Variants in PRKCH observed in about 807,000 individuals in gnomAD.
PRKCH encodes protein kinase C eta.
A neutral mutation model predicts 82.5 loss-of-function variants in PRKCH; 28 were observed. The ratio of observed to expected loss-of-function variants is 0.34; its 90% CI spans 0.25 to 0.47. The LOEUF is 0.47. Ranked by LOEUF, PRKCH falls within the 20% of genes least tolerant of loss-of-function variation. The pLI is 1.00. For missense variants in PRKCH, 705 were observed against 881.8 expected, an observed-to-expected ratio of 0.80 and a Z score of 2.54; for synonymous variants, 322 against 327.4, an observed-to-expected ratio of 0.98 and a Z score of 0.18.
At chr14:61,396,270 G>C (rs950956124) in intron 2 of PRKCH, among the ~76,000 whole-genome samples, 1 of 151,920 alleles carries the variant, frequency 6.6e-6, no homozygotes, top group Admixed American at 6.6e-5. Flanking sequence ...ACTTAAATTG[G>C]ACGGTGGTCT....
At chr14:61,292,338 C>T (rs1267453458) in intron 1 of PRKCH, among the ~76,000 whole-genome samples, 7 of 151,398 alleles carry the variant, frequency 4.6e-5, no homozygotes, top group Non-Finnish European at 1.0e-4. Flanking sequence ...TTTAATTAGC[C>T]GTGTATGGTA....
At chr14:61,306,572 T>C (rs2045487097) in intron 1 of PRKCH, 1 of 152,250 alleles carries the variant, frequency 6.6e-6, no homozygotes, top group Non-Finnish European at 1.5e-5. Flanking sequence ...ATGTTTGTTG[T>C]CAAATGTCTA....
intron 1 of PRKCH, among the ~76,000 whole-genome samples, chr14:61,300,421 C>T (rs2045440075): frequency 6.6e-6 from 1 of 152,156 alleles, no homozygotes; most frequent in South Asian, 2.1e-4. Context: ...GGCAATATGA[C>T]AGGCACTGGG....
chr14:61,526,475 T>G (rs1291963075), intron 10 of PRKCH, among the ~76,000 whole-genome samples: 1 of 152,236 alleles, frequency 6.6e-6, no homozygotes. Context: ...AATACCAGAC[T>G]TGGTTTCCAT....
rs528935424 is a variant in PRKCH at position 61,535,571 on chromosome 14, A to G, written c.1761+4976A>G. 3.8e-3 allele frequency among the ~76,000 whole-genome samples: 572 copies of G among 152,238 alleles called. 1 individual carries two copies. The highest frequency in any genetic ancestry group is 6.6e-3 in the Non-Finnish European group (448 of 68,020). On this transcript the variant is annotated intron_variant, in intron 12 of 13. Coordinates refer to ENST00000332981, the MANE Select transcript of PRKCH (RefSeq NM_006255.5). ...AGTGTGATGAGCAAAGGGGTGGGGC[A>G]GTGAGAGCTTCAGGTGAGGAGGCTG...
chr14:61,534,995 C>A (rs908820351), intron 12 of PRKCH, among the ~76,000 whole-genome samples: 2 of 152,156 alleles, frequency 1.3e-5, no homozygotes, highest in African/African-American at 4.8e-5. Context: ...GCAACATCAT[C>A]AAGGTTATTA....
Position 61,547,761 on chromosome 14 carries a change from A to G in PRKCH, c.1780A>G (p.Thr594Ala). The G allele has an allele frequency of 6.2e-7, 1 of 1,614,000 alleles. No homozygotes were observed. The highest frequency in any genetic ancestry group is 8.5e-7 in the Non-Finnish European group (1 of 1,179,948). The change falls in exon 13 of 14, where the codon ACC becomes GCC. Residue 594 changes from threonine (T) to alanine (A), a missense_variant. Thr to Ala is a moderately conservative substitution (Grantham distance 58, BLOSUM62 0). Coordinates refer to ENST00000332981, the MANE Select transcript of PRKCH (RefSeq NM_006255.5). ...CACTCAGTTCATGACCAAGAACCCC[A>G]CCATGCGCTTGGGCAGCCTGACTCA... is the stretch of plus-strand genomic sequence containing the variant. The part of the protein sequence containing the change: ...ILKSFMTKNP[T>A]MRLGSLTQGG...
intron 12 of PRKCH, among the ~76,000 whole-genome samples, chr14:61,535,705 G>A (rs774121726): frequency 6.6e-6 from 1 of 152,236 alleles, no homozygotes; most frequent in South Asian, 2.1e-4. Flanking sequence ...CATGAGTGAT[G>A]CAATCACTAC....
chr14:61,353,521 G>A (rs895835305), intron 1 of PRKCH: 1 of 152,300 alleles, frequency 6.6e-6, no homozygotes, highest in Admixed American at 6.5e-5. Context: ...AAAGGAATAT[G>A]TGATCGTAAT....
At chr14:61,296,151 T>C (rs991244195) in intron 1 of PRKCH, among the ~76,000 whole-genome samples, 3 of 152,232 alleles carry the variant, frequency 2.0e-5, no homozygotes, top group African/African-American at 7.2e-5. Context: ...ACTTTATTTT[T>C]AAAATTCCTT....
chr14:61,436,146 C>A (rs1295097538), intron 2 of PRKCH, among the ~76,000 whole-genome samples: 6 of 152,206 alleles, frequency 3.9e-5, no homozygotes, highest in Non-Finnish European at 8.8e-5. Flanking sequence ...ACGTTCTGTT[C>A]TAATCACTGT....
At chr14:61,198,868 T>C (rs1286568961) in intron 1 of PRKCH, among the ~76,000 whole-genome samples, 2 of 152,204 alleles carry the variant, frequency 1.3e-5, no homozygotes, top group Admixed American at 1.3e-4. Context: ...ATCTTATATT[T>C]GTGCATCATT....
intron 1 of PRKCH, chr14:61,281,436 G>A (rs1426289342): frequency 7.1e-6 from 2 of 280,842 alleles, no homozygotes; most frequent in Non-Finnish European, 1.4e-5. Flanking sequence ...GTGAGCAGGT[G>A]GGTGTTTTTT....
At chr14:61,549,299 C>T (rs1227527876) in intron 13 of PRKCH, among the ~76,000 whole-genome samples, 6 of 152,228 alleles carry the variant, frequency 3.9e-5, no homozygotes, top group Non-Finnish European at 8.8e-5. Flanking sequence ...AAGTGTGAAC[C>T]TACCCAACCT....
intron 1 of PRKCH, among the ~76,000 whole-genome samples, chr14:61,187,911 T>C (rs1475829631): frequency 1.2e-4 from 19 of 152,200 alleles, no homozygotes; most frequent in Admixed American, 8.5e-4. Flanking sequence ...TATCCTTCTC[T>C]GGCACATAGT....
At chr14:61,245,320 A>G (rs145432524) in intron 1 of PRKCH, among the ~76,000 whole-genome samples, 84 of 152,144 alleles carry the variant, frequency 5.5e-4, no homozygotes, top group African/African-American at 2.0e-3. Flanking sequence ...GTCTTCTGTG[A>G]CCCCAGAATC....
At chr14:61,241,855 C>T (rs1304400602) in intron 1 of PRKCH, among the ~76,000 whole-genome samples, 1 of 152,100 alleles carries the variant, frequency 6.6e-6, no homozygotes, top group African/African-American at 2.4e-5. Context: ...GATAGAAGCG[C>T]GTTTTATGAG....
chr14:61,488,013 C>A (rs1886301160), intron 10 of PRKCH, among the ~76,000 whole-genome samples: 1 of 152,058 alleles, frequency 6.6e-6, no homozygotes. Flanking sequence ...ATTAGCCGGG[C>A]AAGGTGGCGG....
At chr14:61,392,318 A>G (rs2046696309) in intron 2 of PRKCH, among the ~76,000 whole-genome samples, 5 of 152,118 alleles carry the variant, frequency 3.3e-5, no homozygotes, top group Admixed American at 3.3e-4. Flanking sequence ...TGTGTGTGTA[A>G]CTTCAGAAGA....
Sources: allele counts gnomAD v4.1 joint callset (sites outside exome capture counted in the v4.1 genomes callset), GRCh38; gene constraint gnomAD v4.1.1; transcripts MANE v1.5; gene names NCBI Gene and HGNC (gene_info 2026-07-23, HGNC 2026-07-21).